OPRM1: variants seen among roughly 807,000 people sequenced by gnomAD.
The protein encoded by OPRM1 is mu-type opioid receptor.
Under a neutral mutation model 31.8 loss-of-function variants are expected in OPRM1, and 27 were observed. The ratio of observed to expected loss-of-function variants is 0.85; its 90% CI spans 0.63 to 1.17. OPRM1 has a LOEUF of 1.17. Ranked by LOEUF, OPRM1 falls within the 50% of genes most tolerant of loss-of-function variation. The pLI is 0.00. For missense variants in OPRM1, 536 were observed against 511.1 expected, an observed-to-expected ratio of 1.05 and a Z score of -0.47; for synonymous variants, 196 against 189.9, an observed-to-expected ratio of 1.03 and a Z score of -0.26.
intron 3 of OPRM1, among the ~76,000 whole-genome samples, chr6:154,191,335 T>C (rs866725736): frequency 6.6e-6 from 1 of 152,158 alleles, no homozygotes; most frequent in Non-Finnish European, 1.5e-5. Context: ...CATGACGTTA[T>C]ACATTTGTCA....
rs978740775 is a variant in OPRM1 at position 154,123,813 on chromosome 6, T to C, written c.*5092T>C. On this transcript the variant is annotated 3_prime_UTR_variant, in exon 4 of 4. Transcript: ENST00000330432. ...CTAATGCAATATAATTAGTGTATAA[T>C]GAGTAGTGAGGACAACCAGAGGTAA... Among the ~76,000 whole-genome samples the C allele has an allele frequency of 6.6e-6, 1 of 152,210 alleles. No individual in the cohort carries two copies. Among genetic ancestry groups the C allele is most frequent in the African/African-American group, 2.4e-5 (1 of 41,456 alleles).
At chr6:154,199,540 G>T in intron 3 of OPRM1, 1 of 1,110,280 alleles carries the variant, frequency 9.0e-7, no homozygotes. Context: ...TCTGGGCATA[G>T]CCCCACTTGA....
At chr6:154,157,076 G>C (rs1254877057) in intron 3 of OPRM1, 1 of 152,302 alleles carries the variant, frequency 6.6e-6, no homozygotes, top group African/African-American at 2.4e-5. Context: ...GCATTTCAGA[G>C]ATGACCCGGT....
At chr6:154,069,271 G>A (rs1367095919) in intron 1 of OPRM1, among the ~76,000 whole-genome samples, 4 of 151,926 alleles carry the variant, frequency 2.6e-5, no homozygotes, top group African/African-American at 9.7e-5. Flanking sequence ...ATGGAGTCTC[G>A]CTCTGTCACC....
chr6:154,200,487 G>A (rs1216312400), intron 3 of OPRM1, among the ~76,000 whole-genome samples: 1 of 152,252 alleles, frequency 6.6e-6, no homozygotes, highest in South Asian at 2.1e-4. Context: ...TTGGAAGACC[G>A]AGACAGGCAG....
intron 3 of OPRM1, among the ~76,000 whole-genome samples, chr6:154,153,736 C>T (rs9383693): frequency 0.52 from 78,919 of 150,758 alleles, 20,884 homozygotes; most frequent in Middle Eastern, 0.61. Context: ...AGGAAGGCAC[C>T]AGGTGCAAGT....
intron 3 of OPRM1, among the ~76,000 whole-genome samples, chr6:154,180,191 T>C (rs12199459): frequency 0.081 from 12,375 of 152,098 alleles, 985 homozygotes; most frequent in East Asian, 0.42. Flanking sequence ...CTTAAAAGTG[T>C]CAGTGCCTCA....
chr6:154,097,140 G>A (rs1377634336), intron 3 of OPRM1, among the ~76,000 whole-genome samples: 2 of 152,140 alleles, frequency 1.3e-5, no homozygotes, highest in African/African-American at 4.8e-5. Flanking sequence ...GGGTCTTACA[G>A]GAAAAAGCAA....
chr6:154,183,955 A>G (rs1801118606), intron 3 of OPRM1, among the ~76,000 whole-genome samples: 1 of 151,072 alleles, frequency 6.6e-6, no homozygotes, highest in Non-Finnish European at 1.5e-5. Flanking sequence ...GAAAAGAAAA[A>G]AATTGTTTTG....
chr6:154,032,034 T>G (rs1483698869), intron 1 of OPRM1, among the ~76,000 whole-genome samples: 1 of 152,216 alleles, frequency 6.6e-6, no homozygotes, highest in African/African-American at 2.4e-5. Context: ...AATCTGTTTT[T>G]GGCTACAGTG....
intron 1 of OPRM1, among the ~76,000 whole-genome samples, chr6:154,075,637 A>T (rs1787733832): frequency 1.3e-5 from 2 of 152,108 alleles, no homozygotes; most frequent in Admixed American, 6.6e-5. Context: ...ATTTTAGTAG[A>T]AATGGGGTTT....
intron 3 of OPRM1, among the ~76,000 whole-genome samples, chr6:154,198,313 G>T (rs575755155): frequency 6.6e-6 from 1 of 152,262 alleles, no homozygotes; most frequent in South Asian, 2.1e-4. Context: ...CTGAGGGCGG[G>T]TTGAGACTAC....
At chr6:154,069,462 C>A (rs1372047824) in intron 1 of OPRM1, among the ~76,000 whole-genome samples, 1 of 152,144 alleles carries the variant, frequency 6.6e-6, no homozygotes, top group Non-Finnish European at 1.5e-5. Context: ...TGGTCTCGAT[C>A]ACTTGACCTC....
intron 3 of OPRM1, among the ~76,000 whole-genome samples, chr6:154,102,905 C>A: frequency 7.1e-6 from 1 of 140,628 alleles, no homozygotes; most frequent in South Asian, 2.2e-4. Flanking sequence ...TCTTCTACAC[C>A]ACTAACCAGT....
At chr6:154,065,827 A>T (rs751546809) in intron 1 of OPRM1, among the ~76,000 whole-genome samples, 1 of 152,116 alleles carries the variant, frequency 6.6e-6, no homozygotes, top group Non-Finnish European at 1.5e-5. Flanking sequence ...TGGGGAAAGC[A>T]GCCATCATTG....
intron 1 of OPRM1, among the ~76,000 whole-genome samples, chr6:154,048,882 T>G (rs944600758): frequency 4.6e-5 from 7 of 152,154 alleles, no homozygotes; most frequent in African/African-American, 7.2e-5. Flanking sequence ...TTTGAAGAAG[T>G]AAAAACATAA....
chr6:154,208,018 C>T (rs533206688), intron 3 of OPRM1, among the ~76,000 whole-genome samples: 10 of 152,160 alleles, frequency 6.6e-5, no homozygotes, highest in Non-Finnish European at 1.2e-4. Flanking sequence ...ACTGTATACC[C>T]TCTCTTAGTT....
chr6:154,153,585 T>C (rs1583662088), intron 3 of OPRM1, among the ~76,000 whole-genome samples: 1 of 151,098 alleles, frequency 6.6e-6, no homozygotes, highest in Admixed American at 6.6e-5. Flanking sequence ...CTCAGGAGGC[T>C]GAGGCAGGAC....
At chr6:154,040,972 T>A (rs568691453) in intron 1 of OPRM1, among the ~76,000 whole-genome samples, 1 of 131,780 alleles carries the variant, frequency 7.6e-6, no homozygotes, top group South Asian at 2.4e-4. Context: ...ATTCGAGGGT[T>A]TTTTTTTTTA....
Sources: gnomAD v4.1 joint callset for allele counts (sites outside exome capture counted in the v4.1 genomes callset) on GRCh38, gnomAD v4.1.1 for gene constraint, MANE v1.5 for transcripts, NCBI Gene and HGNC (gene_info 2026-07-23, HGNC 2026-07-21) for gene names.